STK40: variants seen among roughly 807,000 people sequenced by gnomAD.
STK40 encodes serine/threonine kinase 40.
In STK40, 13 loss-of-function variants were observed where a neutral mutation model predicts 47.9. The observed-to-expected ratio is 0.27, with a 90% CI of 0.18 to 0.43. The LOEUF (loss-of-function observed/expected upper bound fraction) is 0.43, where lower values mean the gene tolerates loss of function less well. Among genes scored for constraint, STK40 ranks in the 20% least tolerant of loss-of-function variants. The pLI is 1.00. For missense variants in STK40, 460 were observed against 595.1 expected, an observed-to-expected ratio of 0.77 and a Z score of 2.36; for synonymous variants, 225 against 243.2, an observed-to-expected ratio of 0.93 and a Z score of 0.69.
At chr1:36,369,372 C>T (rs548512555) in intron 1 of STK40, among the ~76,000 whole-genome samples, 7 of 152,218 alleles carry the variant, frequency 4.6e-5, no homozygotes, top group African/African-American at 9.6e-5. Context: ...AGGAGGCTGC[C>T]GTCTCTCTGC....
intron 7 of STK40, among the ~76,000 whole-genome samples, chr1:36,346,857 A>T (rs1646706886): frequency 6.6e-6 from 1 of 152,168 alleles, no homozygotes; most frequent in African/African-American, 2.4e-5. Flanking sequence ...TGAGCCCTGC[A>T]AACAGGCACA....
At chr1:36,358,158 G>A (rs1050192448) in intron 4 of STK40, 81 bp downstream of exon 4, 8 of 1,460,976 alleles carry the variant, frequency 5.5e-6, no homozygotes, top group Non-Finnish European at 5.5e-6. Flanking sequence ...TGAGCTGCTC[G>A]TATGGCTGTG....
At chr1:36,363,637 T>A (rs1646873856) in intron 1 of STK40, among the ~76,000 whole-genome samples, 1 of 146,372 alleles carries the variant, frequency 6.8e-6, no homozygotes, top group African/African-American at 2.5e-5. Context: ...AAACCCCGTC[T>A]CTACTAAAAA....
chr1:36,346,158 C>A (rs1001959025), intron 7 of STK40, among the ~76,000 whole-genome samples: 4 of 150,824 alleles, frequency 2.7e-5, no homozygotes, highest in African/African-American at 4.9e-5. Flanking sequence ...CCACGCCCGG[C>A]TAATTTTTTT....
At chr1:36,348,176 G>A (rs896117820) in intron 7 of STK40, among the ~76,000 whole-genome samples, 2 of 152,260 alleles carry the variant, frequency 1.3e-5, no homozygotes, top group Non-Finnish European at 2.9e-5. Flanking sequence ...GTTAAGAACT[G>A]TTCAATGGCT....
At chr1:36,382,637 ACT>A (rs1647049827) in intron 1 of STK40, among the ~76,000 whole-genome samples, 3 of 152,162 alleles carry the variant, frequency 2.0e-5, no homozygotes, top group Admixed American at 1.3e-4. Flanking sequence ...ATAAAATAAA[ACT>A]CTGTGATCTT....
chr1:36,345,617 G>C (rs1397836669), intron 7 of STK40, among the ~76,000 whole-genome samples: 1 of 152,170 alleles, frequency 6.6e-6, no homozygotes, highest in Non-Finnish European at 1.5e-5. Context: ...CCTAGAACTT[G>C]CTCCACCAAG....
At chr1:36,382,529 A>G (rs998689636) in intron 1 of STK40, among the ~76,000 whole-genome samples, 1 of 152,150 alleles carries the variant, frequency 6.6e-6, no homozygotes, top group Non-Finnish European at 1.5e-5. Flanking sequence ...TCCTACTTCT[A>G]TTTTTAAAAA....
At chr1:36,343,334 G>T in intron 10 of STK40, 30 bp downstream of exon 10, 9 of 1,602,234 alleles carry the variant, frequency 5.6e-6, no homozygotes, top group Non-Finnish European at 7.7e-6. Flanking sequence ...TTGGGGCTGG[G>T]TAATGGCCCA....
At position 36,340,916 on chromosome 1, in the gene STK40, T is replaced by C. The variant is rs1167602624; in HGVS notation, c.*839A>G. Reference sequence around the variant, plus strand: ...GTGAGCTCAGTACCACGGGGAAGGATAGAGAAGGGAACAGGTTAACGCGCG... The same window carrying C: ...GTGAGCTCAGTACCACGGGGAAGGACAGAGAAGGGAACAGGTTAACGCGCG... On this transcript the variant is annotated 3_prime_UTR_variant, in exon 11 of 11. Coordinates refer to ENST00000373132, the MANE Select transcript of STK40 (RefSeq NM_001282547.2). 2 of 151,886 alleles carry C rather than the reference T, an allele frequency of 1.3e-5. No homozygotes were observed. Among genetic ancestry groups the C allele is most frequent in the East Asian group, 1.9e-4 (1 of 5,136 alleles). The allele number at this position is 151,886 out of a possible 1,614,324, so 9.4% of individuals were successfully genotyped here. A position where few individuals can be genotyped will look rare whatever the true frequency, so the allele number is the denominator to read the frequency against.
rs55890026 is a variant in STK40 at position 36,358,731 on chromosome 1, A to C, written c.198+6T>G. Reference sequence around the variant, plus strand: ...TGAGGCACCCTCACCCCCATGTCTCACTTACCTTCAGCTGATAGAAGTCAT... The same window carrying C: ...TGAGGCACCCTCACCCCCATGTCTCCCTTACCTTCAGCTGATAGAAGTCAT... On this transcript the variant is annotated splice_donor_region_variant and intron_variant, in intron 3 of 10. Transcript: ENST00000373132. 1 of 1,613,884 alleles carries C rather than the reference A, an allele frequency of 6.2e-7. No homozygotes were observed. The highest frequency in any genetic ancestry group is 8.5e-7 in the Non-Finnish European group (1 of 1,179,948).
At chr1:36,358,622 A>G in intron 3 of STK40, 115 bp downstream of exon 3, 1 of 1,245,968 alleles carries the variant, frequency 8.0e-7, no homozygotes, top group Non-Finnish European at 1.1e-6. Context: ...CTTCTCGGGA[A>G]GAAATGGCGC....
chr1:36,359,002 G>A (rs1570449266), intron 2 of STK40, among the ~76,000 whole-genome samples, 180 bp from the exon 3 acceptor site: 1 of 152,340 alleles, frequency 6.6e-6, no homozygotes, highest in Admixed American at 6.5e-5. Flanking sequence ...CAAAAATAGA[G>A]GGGTATGTGT....
intron 7 of STK40, among the ~76,000 whole-genome samples, chr1:36,345,372 C>T (rs543056463): frequency 6.6e-6 from 1 of 152,370 alleles, no homozygotes; most frequent in East Asian, 1.9e-4. Context: ...CAGCCTGCGT[C>T]TTCAGAAGGT....
chr1:36,368,180 C>T (rs939620218), intron 1 of STK40: 2 of 152,208 alleles, frequency 1.3e-5, no homozygotes, highest in African/African-American at 2.4e-5. Flanking sequence ...GCAATCTTAA[C>T]CAACTGGTCA....
chr1:36,376,304 AGGTCTCGAGAAG>A (rs1212981511), intron 1 of STK40, among the ~76,000 whole-genome samples: 1 of 152,172 alleles, frequency 6.6e-6, no homozygotes, highest in African/African-American at 2.4e-5. Context: ...GCTTATATGT[AGGTCTCGAGAAG>A]GGTCTGGTCC....
chr1:36,367,778 G>T (rs1274617455), intron 1 of STK40: 3 of 983,512 alleles, frequency 3.1e-6, no homozygotes. Flanking sequence ...GGCATGGAGG[G>T]TCCCCCACTC....
chr1:36,368,891 G>A (rs1218454883), intron 1 of STK40, among the ~76,000 whole-genome samples: 1 of 152,192 alleles, frequency 6.6e-6, no homozygotes, highest in Non-Finnish European at 1.5e-5. Context: ...TTGTTCTTAG[G>A]TGATACATAC....
intron 7 of STK40, among the ~76,000 whole-genome samples, chr1:36,346,472 CCATGCT>C (rs1297988347): frequency 6.6e-6 from 1 of 152,220 alleles, no homozygotes; most frequent in Non-Finnish European, 1.5e-5. Flanking sequence ...TGCCCCATGC[CCATGCT>C]GGGCACATGG....
Sources: allele counts gnomAD v4.1 joint callset (sites outside exome capture counted in the v4.1 genomes callset), GRCh38; gene constraint gnomAD v4.1.1; transcripts MANE v1.5; gene names NCBI Gene and HGNC (gene_info 2026-07-23, HGNC 2026-07-21).